MICAL2: variants seen among roughly 807,000 people sequenced by gnomAD.
The protein encoded by MICAL2 is microtubule associated monooxygenase, calponin and LIM domain containing 2, also known as [F-actin]-monooxygenase MICAL2.
A neutral mutation model predicts 127.3 loss-of-function variants in MICAL2; 77 were observed. That is an observed-to-expected ratio of 0.60 (90% CI 0.50 to 0.73). The LOEUF (loss-of-function observed/expected upper bound fraction) is 0.73. Among genes scored for constraint, MICAL2 ranks in the 30% least tolerant of loss-of-function variants. The pLI is 0.00. For synonymous variants in MICAL2, 570 were observed against 551.1 expected (o/e 1.03, Z -0.48); for missense variants, 1,351 against 1,434.4 (o/e 0.94, Z 0.94).
intron 2 of MICAL2, among the ~76,000 whole-genome samples, chr11:12,285,327 G>T (rs1863813150): frequency 6.6e-6 from 1 of 152,190 alleles, no homozygotes; most frequent in South Asian, 2.1e-4. Flanking sequence ...ATTTGGGAAG[G>T]TTCGGAATCT....
intron 25 of MICAL2, among the ~76,000 whole-genome samples, chr11:12,259,324 T>A (rs1227596511): frequency 2.0e-5 from 3 of 152,252 alleles, no homozygotes; most frequent in Non-Finnish European, 4.4e-5. Context: ...TCACTAACTG[T>A]ATATCAAGAA....
intron 26 of MICAL2, chr11:12,260,378 G>C (rs1397516303): frequency 7.9e-7 from 1 of 1,272,690 alleles, no homozygotes; most frequent in Non-Finnish European, 9.9e-7. Flanking sequence ...ATGATATGAA[G>C]GATCTTTTCT....
At chr11:12,274,868 T>C (rs991294685), upstream of MICAL2, among the ~76,000 whole-genome samples, 1 of 151,912 alleles carries the variant, frequency 6.6e-6, no homozygotes, top group African/African-American at 2.4e-5. Context: ...CTCACTCAGG[T>C]TTTAACTGAG....
At chr11:12,294,455 G>A (rs776925649), downstream of MICAL2, 1 of 1,614,110 alleles carries the variant, frequency 6.2e-7, no homozygotes, top group South Asian at 1.1e-5. Flanking sequence ...TCCTGACCCT[G>A]CCCTCCGCAC....
At chr11:12,294,052 G>C (rs773341211), downstream of MICAL2, 1 of 1,614,122 alleles carries the variant, frequency 6.2e-7, no homozygotes, top group Non-Finnish European at 8.5e-7. Flanking sequence ...TCAAAGCTGG[G>C]GAGCGAATTT....
At chr11:12,125,984 T>C (rs987639263) in intron 1 of MICAL2, among the ~76,000 whole-genome samples, 1 of 152,180 alleles carries the variant, frequency 6.6e-6, no homozygotes, top group South Asian at 2.1e-4. Context: ...TGCAGCCTCC[T>C]ACCCACCTGG....
At chr11:12,359,824 G>A (rs1311119930), downstream of MICAL2, among the ~76,000 whole-genome samples, 1 of 152,118 alleles carries the variant, frequency 6.6e-6, no homozygotes, top group African/African-American at 2.4e-5. Context: ...GTATTTGGCC[G>A]CTCTCATTTC....
chr11:12,158,612 T>C (rs1854447572), intron 2 of MICAL2, among the ~76,000 whole-genome samples: 7 of 152,212 alleles, frequency 4.6e-5, no homozygotes, highest in Admixed American at 4.6e-4. Flanking sequence ...TTGTATTAGG[T>C]ATTATAAGTA....
At chr11:12,300,720 G>A (rs1864037386) in intron 29 of MICAL2, among the ~76,000 whole-genome samples, 1 of 152,136 alleles carries the variant, frequency 6.6e-6, no homozygotes, top group Non-Finnish European at 1.5e-5. Context: ...CTATAGATGA[G>A]ACCTGCAGCC....
chr11:12,203,228 T>A (rs1263114585), intron 3 of MICAL2, among the ~76,000 whole-genome samples: 2 of 152,236 alleles, frequency 1.3e-5, no homozygotes, highest in Non-Finnish European at 2.9e-5. Context: ...AACATTCACG[T>A]ACAGGATTTT....
chr11:12,114,833 A>C (rs1849878050), intron 1 of MICAL2, among the ~76,000 whole-genome samples: 1 of 151,992 alleles, frequency 6.6e-6, no homozygotes, highest in South Asian at 2.1e-4. Context: ...GCTCCCCCTC[A>C]CTGTGCTGGT....
chr11:12,126,954 G>A (rs1452855117), intron 1 of MICAL2, among the ~76,000 whole-genome samples: 1 of 152,146 alleles, frequency 6.6e-6, no homozygotes, highest in Non-Finnish European at 1.5e-5. Context: ...GGATAAGTTG[G>A]GAGTAAGAAG....
chr11:12,271,184 T>G (rs1209932050), upstream of MICAL2, among the ~76,000 whole-genome samples: 1 of 152,218 alleles, frequency 6.6e-6, no homozygotes, highest in Non-Finnish European at 1.5e-5. Flanking sequence ...TGGGCAAAGC[T>G]GCTTCGTGCC....
At chr11:12,122,377 G>T (rs1250601131) in intron 1 of MICAL2, among the ~76,000 whole-genome samples, 1 of 152,120 alleles carries the variant, frequency 6.6e-6, no homozygotes, top group Non-Finnish European at 1.5e-5. Flanking sequence ...CCTCTCATTC[G>T]GTACTGGCCC....
At chr11:12,210,477 A>C (rs1855311778) in intron 6 of MICAL2, among the ~76,000 whole-genome samples, 1 of 152,178 alleles carries the variant, frequency 6.6e-6, no homozygotes, top group Non-Finnish European at 1.5e-5. Flanking sequence ...AATCTTAGAA[A>C]ACTCAGGATC....
intron 3 of MICAL2, among the ~76,000 whole-genome samples, chr11:12,195,588 G>GA (rs35415504): frequency 0.76 from 115,174 of 151,754 alleles, 47,442 homozygotes; most frequent in Non-Finnish European, 0.92. Flanking sequence ...ATTACAATGG[G>GA]AAAATATAAA....
chr11:12,143,769 G>A (rs1180721975), intron 2 of MICAL2, among the ~76,000 whole-genome samples: 1 of 152,148 alleles, frequency 6.6e-6, no homozygotes, highest in Non-Finnish European at 1.5e-5. Context: ...CTGGGGCTCT[G>A]GGTTGAGAAA....
chr11:12,128,448 G>A (rs979223164), intron 1 of MICAL2, among the ~76,000 whole-genome samples: 11 of 152,236 alleles, frequency 7.2e-5, no homozygotes, highest in Non-Finnish European at 8.8e-5. Flanking sequence ...CACATAGCTG[G>A]TAAATGGCAG....
At chr11:12,295,345 G>A (rs1863973031), downstream of MICAL2, among the ~76,000 whole-genome samples, 1 of 151,008 alleles carries the variant, frequency 6.6e-6, no homozygotes, top group Non-Finnish European at 1.5e-5. Flanking sequence ...TTACCACATT[G>A]GCCAGGCTGG....
Sources: gnomAD v4.1 joint callset for allele counts (sites outside exome capture counted in the v4.1 genomes callset) on GRCh38, gnomAD v4.1.1 for gene constraint, MANE v1.5 for transcripts, NCBI Gene and HGNC (gene_info 2026-07-23, HGNC 2026-07-21) for gene names.